LARS1: variants seen among roughly 807,000 people sequenced by gnomAD.
LARS1 encodes leucine--tRNA ligase, cytoplasmic.
In LARS1, 100 loss-of-function variants were observed where a neutral mutation model predicts 162.8. The observed-to-expected ratio is 0.61, with a 90% confidence interval of 0.52 to 0.73. The LOEUF (loss-of-function observed/expected upper bound fraction) is 0.73, where lower values mean the gene tolerates loss of function less well. LARS1 is among the 30% of genes least tolerant of loss of function. The probability of loss-of-function intolerance (pLI) is 0.00; values close to 1 mark genes in which losing one functional copy is unlikely to be tolerated. For synonymous variants in LARS1, 457 were observed against 462.8 expected (o/e 0.99, Z 0.16); for missense variants, 1,258 against 1,408.9 (o/e 0.89, Z 1.71).
At chr5:146,181,848 CTTTTTTTTTTTTTTTTTTT>C (rs34658033) in intron 1 of LARS1, among the ~76,000 whole-genome samples, 1,014 of 53,124 alleles carry the variant, frequency 0.019, 54 homozygotes, top group African/African-American at 0.067. Flanking sequence ...TCAATTTTTT[CTTTTTTTTTTTTTTTTTTT>C]TTTTTTTTTT....
Position 146,168,238 on chromosome 5 carries a change from T to A in LARS1, c.322A>T (p.Ile108Leu). Residue 108 changes from isoleucine (I) to leucine (L), a missense_variant, in exon 5 of 32, where the codon ATA becomes TTA. Ile to Leu is a conservative substitution (Grantham distance 5, BLOSUM62 2). Transcript: ENST00000394434. ...KACADKLKRE[I>L]ELYGCPPDFP... is the part of the protein sequence containing the mutation. ...TCAGGGGGGCAACCATACAGCTCTA[T>A]TTCTCTTTTCAACTTATCAGCACAT... The A allele has an allele frequency of 6.2e-7, 1 of 1,613,112 alleles. No homozygotes were observed. The highest frequency in any genetic ancestry group is 1.7e-4 in the Middle Eastern group (1 of 6,060).
rs528053176 is a variant in LARS1, at chr5:146,157,453, A to T, written c.1015T>A (p.Phe339Ile). ...KAARNMSYQG[F>I]TKDNGVVPVV... ...GGCACCACGCCATTGTCTTTGGTAA[A>T]GCCCTGGTATGACATATTCCTGGCT... The change falls in exon 10 of 32, where the codon TTT (phenylalanine) becomes ATT (isoleucine). Residue 339 changes from phenylalanine to isoleucine, a missense_variant. By Grantham distance (21) the Phe-to-Ile change is conservative. Coordinates refer to ENST00000394434, the MANE Select transcript of LARS1 (RefSeq NM_020117.11). The T allele has an allele frequency of 1.9e-6, 3 of 1,614,182 alleles. No individual in the cohort carries two copies. In the South Asian group the frequency reaches 3.3e-5, roughly 18 times the overall value.
chr5:146,163,605 G>A (rs1312166893), intron 6 of LARS1, among the ~76,000 whole-genome samples: 3 of 152,088 alleles, frequency 2.0e-5, no homozygotes, highest in African/African-American at 7.2e-5. Context: ...AGAATAGCTT[G>A]AACCCGGGAG....
At chr5:146,123,420 T>C (rs1163489215) in intron 29 of LARS1, among the ~76,000 whole-genome samples, 2 of 151,948 alleles carry the variant, frequency 1.3e-5, no homozygotes, top group African/African-American at 4.8e-5. Flanking sequence ...CTGTTCTAGT[T>C]CCTGGATTGG....
chr5:146,167,662 G>A (rs1403006934), intron 5 of LARS1, among the ~76,000 whole-genome samples: 4 of 151,532 alleles, frequency 2.6e-5, no homozygotes, highest in Admixed American at 1.3e-4. Flanking sequence ...CCCAAGTGCT[G>A]GGATTACAGG....
chr5:146,179,261 A>G (rs1370846262), intron 1 of LARS1, among the ~76,000 whole-genome samples: 1 of 152,130 alleles, frequency 6.6e-6, no homozygotes, highest in Non-Finnish European at 1.5e-5. Context: ...TCTGGGGTTC[A>G]AGCAATTCTC....
At chr5:146,166,116 C>T (rs888330544) in intron 5 of LARS1, among the ~76,000 whole-genome samples, 5 of 152,134 alleles carry the variant, frequency 3.3e-5, no homozygotes, top group African/African-American at 1.2e-4. Flanking sequence ...TGAGCACACC[C>T]AGCATTCAGG....
At chr5:146,132,436 A>G (rs1752327105) in intron 23 of LARS1, 1 of 153,290 alleles carries the variant, frequency 6.5e-6, no homozygotes. Flanking sequence ...TCATCTTTAT[A>G]ATACCAGTGC....
At chr5:146,175,364 C>T (rs527277235) in intron 2 of LARS1, among the ~76,000 whole-genome samples, 3 of 149,630 alleles carry the variant, frequency 2.0e-5, no homozygotes, top group Non-Finnish European at 4.4e-5. Flanking sequence ...ATGGCAAAAC[C>T]CCGTCTCTAT....
intron 12 of LARS1, 123 bp from the exon 13 acceptor site, chr5:146,153,350 A>G: frequency 1.4e-6 from 1 of 715,396 alleles, no homozygotes; most frequent in Non-Finnish European, 2.3e-6. Context: ...TCCTCTCCAT[A>G]GAGAGCAATT....
At chr5:146,172,115 T>C (rs888380042) in intron 3 of LARS1, 125 bp from the exon 4 acceptor site, 7 of 821,154 alleles carry the variant, frequency 8.5e-6, no homozygotes, top group African/African-American at 5.1e-5. Flanking sequence ...AGTTAGATTT[T>C]AGGCATCCCA....
chr5:146,131,520 G>A (rs1752283517), intron 23 of LARS1: 1 of 146,414 alleles, frequency 6.8e-6, no homozygotes, highest in African/African-American at 2.6e-5. Context: ...TTTTGAGACA[G>A]GGTCTCTGTC....
chr5:146,140,695 G>A (rs529546022), intron 20 of LARS1, among the ~76,000 whole-genome samples: 18 of 152,086 alleles, frequency 1.2e-4, no homozygotes, highest in Admixed American at 9.2e-4. Context: ...GATCCCAGCT[G>A]CTGGGGAGGC....
rs999109939 is a variant in LARS1, at chr5:146,132,998, G to A, written c.2296C>T (p.Arg766Cys). The A allele has an allele frequency of 4.3e-6, 7 of 1,613,972 alleles. No homozygotes were observed. The highest frequency in any genetic ancestry group is 5.9e-6 in the Non-Finnish European group (7 of 1,179,930). Residue 766 changes from arginine (R) to cysteine (C), a missense_variant, in exon 23 of 32, where the codon CGT becomes TGT. Physicochemically the swap from Arg to Cys is radical, Grantham distance 180. Transcript: ENST00000394434. The part of the protein sequence containing the change: ...VEAMADAGIL[R>C]LYTWVEWVKE... Reference sequence around the variant, plus strand: ...ACCCACTCTACCCAGGTGTACAGACGGAGAATACCTGCATCTGCCATGGCT... The same window carrying A: ...ACCCACTCTACCCAGGTGTACAGACAGAGAATACCTGCATCTGCCATGGCT...
chr5:146,136,399 G>C (rs1387590020), intron 21 of LARS1, among the ~76,000 whole-genome samples: 2 of 151,822 alleles, frequency 1.3e-5, no homozygotes, highest in Non-Finnish European at 2.9e-5. Flanking sequence ...AATAATCAAA[G>C]GTTCCTTATT....
intron 20 of LARS1, among the ~76,000 whole-genome samples, chr5:146,141,951 A>G (rs776185542): frequency 6.6e-6 from 1 of 152,192 alleles, no homozygotes; most frequent in Non-Finnish European, 1.5e-5. Flanking sequence ...ACCTGAGGTC[A>G]GGAGTTTGAG....
In LARS1 at chr5:146,153,891, A is replaced by T. The variant is rs763972004; in HGVS notation, c.1153+2T>A. On this transcript the variant is annotated splice_donor_variant, in intron 11 of 31. Transcript: ENST00000394434. LOFTEE classifies it high-confidence loss of function. ...ATTTCTAGAAATAAATAAACTCTTTACCTTTATCCTCCTTAATAGTTAGCA... is the reference window on the plus strand; with the variant it reads ...ATTTCTAGAAATAAATAAACTCTTTTCCTTTATCCTCCTTAATAGTTAGCA... 1 of 1,610,044 alleles carries T rather than the reference A, an allele frequency of 6.2e-7. No homozygotes were observed. The highest frequency in any genetic ancestry group is 2.2e-5 in the East Asian group (1 of 44,832).
chr5:146,160,315 C>T (rs1337619944), intron 7 of LARS1, 59 bp downstream of exon 7: 7 of 924,000 alleles, frequency 7.6e-6, no homozygotes, highest in African/African-American at 3.4e-5. Flanking sequence ...GGATTACAGG[C>T]GTGAGCCTCT....
Position 146,114,216 on chromosome 5 carries a change from T to TA in LARS1, c.3420_3421insT (p.Ile1141TyrfsTer3). 1 of 1,613,800 alleles carries TA rather than the reference T, an allele frequency of 6.2e-7. No homozygotes were observed. Among genetic ancestry groups the TA allele is most frequent in the Non-Finnish European group, 8.5e-7 (1 of 1,179,906 alleles). On this transcript the variant is annotated frameshift_variant, in exon 32 of 32. Transcript: ENST00000394434. LOFTEE classifies it high-confidence loss of function. ...ACATTGAAAACAGCATGCTCAGAAA[T>TA]GGGGGTCTTCTCGGTGTACTCCTTT... is the stretch of plus-strand genomic sequence containing the variant.
Sources: allele counts gnomAD v4.1 joint callset (sites outside exome capture counted in the v4.1 genomes callset), GRCh38; gene constraint gnomAD v4.1.1; transcripts MANE v1.5; gene names NCBI Gene and HGNC (gene_info 2026-07-23, HGNC 2026-07-21).